The following RGS13 variants were observed in gnomAD, a reference collection of about 807,000 sequenced individuals.
The protein encoded by RGS13 is regulator of G protein signaling 13.
Under a neutral mutation model 19.9 loss-of-function variants are expected in RGS13, and 14 were observed. The observed-to-expected ratio is 0.70, with a 90% CI of 0.46 to 1.10. RGS13 has a LOEUF of 1.10. RGS13 is among the 50% of genes least tolerant of loss of function. The pLI is 0.00. For synonymous variants in RGS13, 60 were observed against 56.8 expected, an observed-to-expected ratio of 1.06 and a Z score of -0.25; for missense variants, 205 against 187.1, an observed-to-expected ratio of 1.10 and a Z score of -0.56.
chr1:192,657,213 T>G (rs1663458139), intron 5 of RGS13, among the ~76,000 whole-genome samples: 1 of 152,132 alleles, frequency 6.6e-6, no homozygotes, highest in Non-Finnish European at 1.5e-5. Flanking sequence ...AACATTTCTT[T>G]TAACATCAAT....
chr1:192,640,438 C>A (rs112587334), intron 3 of RGS13, among the ~76,000 whole-genome samples: 3,661 of 152,158 alleles, frequency 0.024, 159 homozygotes, highest in African/African-American at 0.084. Context: ...GTTTAAAGAC[C>A]TCAGTGGATT....
In RGS13 at chr1:192,658,309, G is replaced by C; in HGVS notation, c.236G>C (p.Arg79Thr). The change falls in exon 6 of 7, where the codon AGA becomes ACA. Residue 79 changes from arginine to threonine, a missense_variant. Transcript: ENST00000391995. ...AAGAAAATTGCCTCACGGTGGAGCA[G>C]AATTTCTAGGGCAAAGAAGCTTTAT... Reference protein sequence around the residue: ...TYKKIASRWSRISRAKKLYKI... With the variant: ...TYKKIASRWSTISRAKKLYKI... 6.2e-7 allele frequency: 1 copy of C among 1,613,570 alleles called. No individual in the cohort carries two copies. The highest frequency in any genetic ancestry group is 8.5e-7 in the Non-Finnish European group (1 of 1,179,732).
intron 4 of RGS13, 123 bp downstream of exon 4, chr1:192,644,522 C>T (rs568078900): frequency 1.5e-5 from 11 of 719,098 alleles, no homozygotes; most frequent in African/African-American, 3.5e-5. Context: ...TGCATTTACA[C>T]GTGAGTCATT....
intron 6 of RGS13, chr1:192,659,116 A>G (rs1333830658): frequency 2.8e-6 from 1 of 354,634 alleles, no homozygotes; most frequent in Non-Finnish European, 5.0e-6. Flanking sequence ...TGAGCCTCAT[A>G]TTTTTCTTTT....
chr1:192,654,150 C>T (rs1466357657), intron 5 of RGS13, among the ~76,000 whole-genome samples: 1 of 151,316 alleles, frequency 6.6e-6, no homozygotes, highest in Non-Finnish European at 1.5e-5. Context: ...TTAAGTATTT[C>T]TCAATAATTT....
At chr1:192,637,710 C>G (rs1663039828) in intron 2 of RGS13, 50 bp downstream of exon 2, 1 of 152,006 alleles carries the variant, frequency 6.6e-6, no homozygotes, top group African/African-American at 2.4e-5. Context: ...CAATTTAGAT[C>G]ACTGTTTCAC....
At chr1:192,647,596 A>T (rs1407378254) in intron 4 of RGS13, 1 of 155,574 alleles carries the variant, frequency 6.4e-6, no homozygotes, top group African/African-American at 2.4e-5. Flanking sequence ...CACAAATACA[A>T]ACATAACAAA....
rs116213782 is a variant in RGS13 at position 192,654,912 on chromosome 1, C to T, written c.128-3289C>T. On this transcript the variant is annotated intron_variant, in intron 5 of 6. Transcript: ENST00000391995. ...ACATAAGCCATTTCTTCCATCCTCC[C>T]AATTTAAATGAGCAATTCTGATGTT... 4.0e-4 allele frequency among the ~76,000 whole-genome samples: 61 copies of T among 152,104 alleles called. 1 individual carries two copies. Among genetic ancestry groups the T allele is most frequent in the African/African-American group, 1.4e-3 (59 of 41,502 alleles).
intron 3 of RGS13, among the ~76,000 whole-genome samples, chr1:192,641,266 GAA>G (rs755685922): frequency 1.1e-5 from 1 of 92,062 alleles, no homozygotes; most frequent in Non-Finnish European, 2.4e-5. Context: ...AAGAAAGAAA[GAA>G]AGAAAGAAAG....
At chr1:192,636,830 TGCAC>T (rs1663025932) in intron 1 of RGS13, among the ~76,000 whole-genome samples, 2 of 151,970 alleles carry the variant, frequency 1.3e-5, no homozygotes, top group African/African-American at 2.4e-5. Flanking sequence ...AGCACAACTA[TGCAC>T]AAATTTCTTG....
At chr1:192,658,459 C>A in intron 6 of RGS13, 92 bp downstream of exon 6, 1 of 1,124,794 alleles carries the variant, frequency 8.9e-7, no homozygotes, top group Non-Finnish European at 1.3e-6. Context: ...AGGCACTTTA[C>A]ATCCAGTATC....
intron 5 of RGS13, among the ~76,000 whole-genome samples, chr1:192,652,357 C>A (rs2102036061): frequency 6.6e-6 from 1 of 152,162 alleles, no homozygotes; most frequent in South Asian, 2.1e-4. Flanking sequence ...CAGCTTTTTT[C>A]ATCTGTGCAA....
chr1:192,648,779 G>T (rs1368493135), intron 5 of RGS13, among the ~76,000 whole-genome samples: 12 of 152,014 alleles, frequency 7.9e-5, no homozygotes, highest in Non-Finnish European at 4.4e-5. Flanking sequence ...TGTTTTATCT[G>T]TTTAGAGCTA....
intron 4 of RGS13, chr1:192,647,279 C>T (rs1016434977): frequency 6.6e-6 from 1 of 152,158 alleles, no homozygotes; most frequent in African/African-American, 2.4e-5. Context: ...AACTTTGATT[C>T]TACTGCTAGT....
In RGS13 at chr1:192,658,217, T is replaced by C. The variant is rs1663479534; in HGVS notation, c.144T>C (p.Tyr48=). The C allele has an allele frequency of 6.2e-7, 1 of 1,613,156 alleles. No homozygotes were observed. The highest frequency in any genetic ancestry group is 8.5e-7 in the Non-Finnish European group (1 of 1,179,432). The part of the protein sequence containing the change: ...LMATKYGPVV[Y]AAYLKMEHSD... The stretch of plus-strand genomic sequence containing the variant: ...TACTTTTAGATGGTCCAGTAGTCTA[T>C]GCAGCATATTTAAAAATGGAGCACA... The change falls in exon 6 of 7, where the codon TAT becomes TAC. Residue 48 remains tyrosine, a synonymous_variant. Transcript: ENST00000391995.
chr1:192,655,576 T>C (rs1254937090), intron 5 of RGS13, among the ~76,000 whole-genome samples: 1 of 152,060 alleles, frequency 6.6e-6, no homozygotes, highest in Admixed American at 6.6e-5. Context: ...TTTGCATGTA[T>C]TTCATTGACT....
At chr1:192,653,460 A>C (rs1663380337) in intron 5 of RGS13, among the ~76,000 whole-genome samples, 1 of 152,114 alleles carries the variant, frequency 6.6e-6, no homozygotes, top group Admixed American at 6.6e-5. Flanking sequence ...CAATCTAAAA[A>C]TTCTATTTTA....
chr1:192,654,796 C>T (rs1210859281), intron 5 of RGS13, among the ~76,000 whole-genome samples: 1 of 152,000 alleles, frequency 6.6e-6, no homozygotes, highest in Non-Finnish European at 1.5e-5. Context: ...CATAGAAATA[C>T]TAATTTTAGT....
At chr1:192,649,788 A>T (rs1334876229) in intron 5 of RGS13, among the ~76,000 whole-genome samples, 1 of 152,104 alleles carries the variant, frequency 6.6e-6, no homozygotes, top group Non-Finnish European at 1.5e-5. Flanking sequence ...TTGAAAGTCA[A>T]ATTCAAGTGC....
Sources: allele counts gnomAD v4.1 joint callset (sites outside exome capture counted in the v4.1 genomes callset), GRCh38; gene constraint gnomAD v4.1.1; transcripts MANE v1.5; gene names NCBI Gene and HGNC (gene_info 2026-07-23, HGNC 2026-07-21).